The following TTN variants were observed in gnomAD, a reference collection of about 807,000 sequenced individuals.
TTN encodes the protein titin, also known as connectin.
TTN carries 1,525 observed loss-of-function variants against 3,223.0 expected under a neutral mutation model. That is an observed-to-expected ratio of 0.47 (90% CI 0.45 to 0.49). TTN has a LOEUF of 0.49. Ranked by LOEUF, TTN falls within the 20% of genes least tolerant of loss-of-function variation. The pLI is 0.00. For missense variants in TTN, 40,786 were observed against 43,424.0 expected, an observed-to-expected ratio of 0.94 and a Z score of 5.40; for synonymous variants, 14,094 against 15,161.0, an observed-to-expected ratio of 0.93 and a Z score of 5.17.
At chr2:178,707,039 G>C in intron 100 of TTN, 85 bp from the exon 101 acceptor site, 7 of 1,257,122 alleles carry the variant, frequency 5.6e-6, no homozygotes, top group Non-Finnish European at 7.6e-6. Context: ...GCCTTAGGAG[G>C]TTGGCAGTTT....
In TTN at chr2:178,640,219, T is replaced by C. The variant is rs1488203371; in HGVS notation, c.40724-109A>G. 3.3e-6 allele frequency: 3 copies of C among 920,844 alleles called. No homozygotes were observed. The African/African-American group carries it at 5.3e-5, about 16-fold the overall frequency. The allele number at this position is 920,844 out of a possible 1,614,324, so 57.0% of individuals were successfully genotyped here. A position where few individuals can be genotyped will look rare whatever the true frequency, so the allele number is the denominator to read the frequency against. ...ATCTTGGAAGATATTAGAATTTATA[T>C]ACATATAATTATCAAATCAAGTATT... is the stretch of plus-strand genomic sequence containing the variant. On this transcript the variant is annotated intron_variant, in intron 221 of 362. Coordinates refer to ENST00000589042, the MANE Select transcript of TTN (RefSeq NM_001267550.2).
chr2:178,547,004 A>G lies in TTN; in HGVS notation c.94521T>C (p.Val31507=). ...ATGCCCTTAAATTGTGATACATACC[A>G]ACTGGATTTTGAGCCATTATAGGTC... ...ASRPIMAQNP[V]DAPGRPEVTD... The change falls in exon 340 of 363, where the codon GTT becomes GTC. Residue 31507 remains valine, a splice_region_variant and synonymous_variant. Transcript: ENST00000589042. The G allele has an allele frequency of 6.2e-7, 1 of 1,607,622 alleles. No homozygotes were observed. Among genetic ancestry groups the G allele is most frequent in the Non-Finnish European group, 8.5e-7 (1 of 1,175,500 alleles).
At position 178,589,037 on chromosome 2, in the gene TTN, G is replaced by C; in HGVS notation, c.62688C>G (p.Ile20896Met). 6.2e-7 allele frequency: 1 copy of C among 1,609,478 alleles called. No homozygotes were observed. Among genetic ancestry groups the C allele is most frequent in the Non-Finnish European group, 8.5e-7 (1 of 1,179,482 alleles). The change falls in exon 304 of 363, where the codon ATC (isoleucine) becomes ATG (methionine). Residue 20896 changes from isoleucine to methionine, a missense_variant. By Grantham distance (10) the Ile-to-Met change is conservative. Coordinates refer to ENST00000589042, the MANE Select transcript of TTN (RefSeq NM_001267550.2). Reference sequence around the variant, plus strand: ...CACATTTTTCTAGAATATAATTTTGGATTTCACAGCCACCATCATCTTCTG... The same window carrying C: ...CACATTTTTCTAGAATATAATTTTGCATTTCACAGCCACCATCATCTTCTG... The part of the protein sequence containing the change: ...DPPEDDGGCE[I>M]QNYILEKCET...
rs2076861008 is a variant in TTN at position 178,712,828 on chromosome 2, T to C, written c.27197A>G (p.Asn9066Ser). Residue 9066 changes from asparagine to serine, a missense_variant, in exon 94 of 363, where the codon AAC (asparagine) becomes AGC (serine). Asn to Ser is a conservative substitution (Grantham distance 46, BLOSUM62 1). Transcript: ENST00000589042. ...AGCAACTGAATCCTCCAAAGACACG[T>C]TGCATCTGTCACCTGGTACTAGTTC... ...SSELVPGDRCNVSLEDSVAEL... is the reference protein window; with the variant it reads ...SSELVPGDRCSVSLEDSVAEL... 5 of 1,613,662 alleles carry C rather than the reference T, an allele frequency of 3.1e-6. No individual in the cohort carries two copies. Among genetic ancestry groups the C allele is most frequent in the Admixed American group, 1.7e-5 (1 of 59,974 alleles).
rs1310177568 is a variant in TTN, at chr2:178,592,161, C to G, written c.59743G>C (p.Glu19915Gln). 6.2e-7 allele frequency: 1 copy of G among 1,612,752 alleles called. No individual in the cohort carries two copies. Among genetic ancestry groups the G allele is most frequent in the African/African-American group, 1.3e-5 (1 of 74,872 alleles). Residue 19915 changes from glutamate (E) to glutamine (Q), a missense_variant, in exon 302 of 363, where the codon GAG becomes CAG. By Grantham distance (29) the Glu-to-Gln change is conservative. Transcript: ENST00000589042. ...GGSVITNYVV[E>Q]RRDVASAQWS... ...TGGGCGCTGGCAACATCTCTCCTCT[C>G]AACCACATAATTGGTAATAACAGAA...
intron 83 of TTN, 62 bp downstream of exon 83, chr2:178,719,094 GGGAAGGCA>G: frequency 1.9e-6 from 3 of 1,541,830 alleles, no homozygotes; most frequent in Admixed American, 2.1e-5. Context: ...AGAAACTCCA[GGGAAGGCA>G]GGCACCACGT....
intron 88 of TTN, 87 bp from the exon 89 acceptor site, chr2:178,715,861 G>A: frequency 1.5e-6 from 2 of 1,345,782 alleles, no homozygotes; most frequent in African/African-American, 1.5e-5. Context: ...ATCTTTGCTA[G>A]AGAGGTCTTT....
Position 178,612,879 on chromosome 2 carries a change from C to T in TTN, c.49842G>A (p.Gly16614=), listed in dbSNP as rs755732951. 2 of 1,612,570 alleles carry T rather than the reference C, an allele frequency of 1.2e-6. No individual in the cohort carries two copies. Among genetic ancestry groups the T allele is most frequent in the Non-Finnish European group, 1.7e-6 (2 of 1,179,238 alleles). The change falls in exon 265 of 363, where the codon GGG becomes GGA. Residue 16614 remains glycine (G), a synonymous_variant. Coordinates refer to ENST00000589042, the MANE Select transcript of TTN (RefSeq NM_001267550.2). ...ATGAGTATTCCTGTCCTTCCATGAG[C>T]CCTGGGAGCAAGTGCTGAGTGGTGG... ...GVPTTQHLLP[G]LMEGQEYSFR...
chr2:178,584,243 C>A (rs2048433405), intron 311 of TTN, 33 bp downstream of exon 311: 25 of 1,523,160 alleles, frequency 1.6e-5, no homozygotes, highest in Non-Finnish European at 2.2e-5. Context: ...AATACTAAAA[C>A]AACAACAACA....
chr2:178,618,808 A>C lies in TTN; in HGVS notation c.46742T>G (p.Val15581Gly). The C allele has an allele frequency of 6.2e-7, 1 of 1,610,938 alleles. No homozygotes were observed. Among genetic ancestry groups the C allele is most frequent in the Non-Finnish European group, 8.5e-7 (1 of 1,178,654 alleles). The part of the protein sequence containing the change: ...KTADQDLVVD[V>G]GKPLTMVVPY... ...CACCACCATTGTCAGAGGCTTGCCA[A>C]CATCAACCACAAGGTCTTGGTCAGC... The change falls in exon 251 of 363, where the codon GTT becomes GGT. Residue 15581 changes from valine to glycine, a missense_variant. By Grantham distance (109) the Val-to-Gly change is moderately radical. Transcript: ENST00000589042.
At chr2:178,764,085 G>T in intron 43 of TTN, 92 bp downstream of exon 43, 1 of 1,554,442 alleles carries the variant, frequency 6.4e-7, no homozygotes, top group Non-Finnish European at 8.9e-7. Flanking sequence ...ATGCATGAGA[G>T]ATGTTTGTGA....
intron 1 of TTN, among the ~76,000 whole-genome samples, chr2:178,805,276 G>A (rs1273355760): frequency 6.7e-6 from 1 of 150,326 alleles, no homozygotes; most frequent in Non-Finnish European, 1.5e-5. Flanking sequence ...CCCAGGAGGT[G>A]GAGGTTGCAG....
chr2:178,546,326 T>G lies in TTN; in HGVS notation c.95005A>C (p.Lys31669Gln). The stretch of plus-strand genomic sequence containing the variant: ...AACTTGATCACAGCAGTTGCTCGTT[T>G]GCCAGTATACTGCAAAGAGACTTTT... ...CEKVSLQYTG[K>Q]RATAVIKFCD... Residue 31669 changes from lysine (K) to glutamine (Q), a missense_variant, in exon 342 of 363, where the codon AAA becomes CAA. By Grantham distance (53) the Lys-to-Gln change is moderately conservative. Transcript: ENST00000589042. 1 of 1,613,888 alleles carries G rather than the reference T, an allele frequency of 6.2e-7. No homozygotes were observed. The highest frequency in any genetic ancestry group is 1.1e-5 in the South Asian group (1 of 91,084).
At chr2:178,707,103 T>C in intron 100 of TTN, 149 bp from the exon 101 acceptor site, 2 of 671,826 alleles carry the variant, frequency 3.0e-6, no homozygotes, top group Non-Finnish European at 4.9e-6. Flanking sequence ...TTACAGAAGA[T>C]AAAGCAGCTT....
intron 2 of TTN, among the ~76,000 whole-genome samples, chr2:178,804,057 A>G (rs1412601400): frequency 2.6e-5 from 4 of 152,230 alleles, no homozygotes; most frequent in Non-Finnish European, 4.4e-5. Flanking sequence ...TAATAAAATA[A>G]TGAGGAGTTG....
In TTN at chr2:178,585,074, A is replaced by G; in HGVS notation, c.64670T>C (p.Met21557Thr). Residue 21557 changes from methionine (M) to threonine (T), a missense_variant and splice_region_variant, in exon 309 of 363, where the codon ATG becomes ACG. Transcript: ENST00000589042. ...TDTQKIKVVV[M>T]DAPGPPQPPF... The stretch of plus-strand genomic sequence containing the variant: ...CATTTGTCTAATACTTAACTTACCC[A>G]TGACTACAACTTTGATTTTCTGAGT... 6.2e-7 allele frequency: 1 copy of G among 1,605,128 alleles called. No individual in the cohort carries two copies. Among genetic ancestry groups the G allele is most frequent in the Non-Finnish European group, 8.5e-7 (1 of 1,175,762 alleles).
In TTN at chr2:178,704,833, CAAT is replaced by C. The variant is rs752993264; in HGVS notation, c.29694+41_29694+43del. On this transcript the variant is annotated intron_variant, in intron 104 of 362. Transcript: ENST00000589042. ...TTACTCCTTCCCTTATAATAATACTCAATAATAACTTGTTCATTTTATTATCAA... is the reference window on the plus strand; with the variant it reads ...TTACTCCTTCCCTTATAATAATACTCAATAACTTGTTCATTTTATTATCAA... 5.0e-5 allele frequency: 81 copies of C among 1,609,272 alleles called. 1 individual carries two copies. Among genetic ancestry groups the C allele is most frequent in the South Asian group, 1.2e-4 (11 of 90,256 alleles).
intron 355 of TTN, 49 bp downstream of exon 355, chr2:178,537,293 A>AT (rs550332161): frequency 1.8e-4 from 279 of 1,523,692 alleles, no homozygotes; most frequent in African/African-American, 9.5e-4. Context: ...TGTTTTTGAG[A>AT]TTTTTTTTTC....
chr2:178,739,679 GGGT>G lies in TTN; in HGVS notation c.13551_13553del (p.Glu4517_Pro4518delinsAsp). ...TAGATTCAACTTCTGGTTCAGTAATGGGTTCAACCTTCTGTGAACCTGAAAAAG... is the reference window on the plus strand; with the variant it reads ...TAGATTCAACTTCTGGTTCAGTAATGTCAACCTTCTGTGAACCTGAAAAAG... On this transcript the variant is annotated inframe_deletion, in exon 48 of 363. Coordinates refer to ENST00000589042, the MANE Select transcript of TTN (RefSeq NM_001267550.2). 6.2e-7 allele frequency: 1 copy of G among 1,613,810 alleles called. No individual in the cohort carries two copies. The highest frequency in any genetic ancestry group is 8.5e-7 in the Non-Finnish European group (1 of 1,179,818).
Sources: allele counts gnomAD v4.1 joint callset (sites outside exome capture counted in the v4.1 genomes callset), GRCh38; gene constraint gnomAD v4.1.1; transcripts MANE v1.5; gene names NCBI Gene and HGNC (gene_info 2026-07-23, HGNC 2026-07-21).